The following NELL1 variants were observed in gnomAD, a reference collection of about 807,000 sequenced individuals.
NELL1 encodes neural EGFL like 1.
Under a neutral mutation model 107.4 loss-of-function variants are expected in NELL1, and 76 were observed. The ratio of observed to expected loss-of-function variants is 0.71; its 90% CI spans 0.59 to 0.86. The LOEUF (loss-of-function observed/expected upper bound fraction) is 0.86, where lower values mean the gene tolerates loss of function less well. Ranked by LOEUF, NELL1 falls within the 40% of genes least tolerant of loss-of-function variation. NELL1 has a pLI of 0.00. For synonymous variants in NELL1, 353 were observed against 341.2 expected (o/e 1.03, Z -0.38); for missense variants, 1,024 against 1,005.5 (o/e 1.02, Z -0.25).
chr11:21,362,930 G>A (rs1590869975), intron 14 of NELL1, among the ~76,000 whole-genome samples: 1 of 152,156 alleles, frequency 6.6e-6, no homozygotes. Flanking sequence ...GGCCACCTCT[G>A]CTGTGTTATA....
rs536416552 is a variant in NELL1, at chr11:21,307,663, G to A, written c.1550-63190G>A. On this transcript the variant is annotated intron_variant, in intron 14 of 19. Transcript: ENST00000357134. ...AACCAGATCCTTAAAAATGGACCCA[G>A]GACACAAACTGGTTCCATGGTCTTT... is the stretch of plus-strand genomic sequence containing the variant. 2.0e-5 allele frequency among the ~76,000 whole-genome samples: 3 copies of A among 152,038 alleles called. No homozygotes were observed. The East Asian group carries it at 5.8e-4, about 30-fold the overall frequency.
At position 20,904,683 on chromosome 11, in the gene NELL1, T is replaced by A. The variant is rs142489784; in HGVS notation, c.604-13499T>A. 3.1e-3 allele frequency among the ~76,000 whole-genome samples: 466 copies of A among 152,212 alleles called. 2 individuals carry two copies. The highest frequency in any genetic ancestry group is 3.7e-3 in the Non-Finnish European group (251 of 67,990). On this transcript the variant is annotated intron_variant, in intron 5 of 19. Transcript: ENST00000357134. ...ATCTTTGGCTGATCCCTAGGATCAGTGTAAGCCTGGCTAAGTGTTGAAGGA... is the reference window on the plus strand; with the variant it reads ...ATCTTTGGCTGATCCCTAGGATCAGAGTAAGCCTGGCTAAGTGTTGAAGGA...
intron 12 of NELL1, among the ~76,000 whole-genome samples, chr11:20,992,555 T>C (rs1851998785): frequency 6.6e-6 from 1 of 152,140 alleles, no homozygotes; most frequent in Non-Finnish European, 1.5e-5. Flanking sequence ...TCTGTAGCCT[T>C]GGGAGAGTCT....
In NELL1 at chr11:21,533,282, A is replaced by G. The variant is rs1042696850; in HGVS notation, c.1646-1092A>G. Among the ~76,000 whole-genome samples the G allele has an allele frequency of 5.9e-5, 9 of 152,296 alleles. 1 individual carries two copies. The highest frequency in any genetic ancestry group is 1.9e-4 in the African/African-American group (8 of 41,564). ...GGGACTTGTCAAGATAATAGAACCAATGGTAGCTGATTGCCCCTGAACTGA... is the reference window on the plus strand; with the variant it reads ...GGGACTTGTCAAGATAATAGAACCAGTGGTAGCTGATTGCCCCTGAACTGA... On this transcript the variant is annotated intron_variant, in intron 15 of 19. Coordinates refer to ENST00000357134, the MANE Select transcript of NELL1 (RefSeq NM_006157.5).
intron 15 of NELL1, among the ~76,000 whole-genome samples, chr11:21,483,474 A>C (rs1261548654): frequency 6.6e-6 from 1 of 152,108 alleles, no homozygotes; most frequent in Non-Finnish European, 1.5e-5. Context: ...AGATCTCCCA[A>C]ATCCAATGAT....
chr11:20,941,117 C>A (rs997523322), intron 10 of NELL1, among the ~76,000 whole-genome samples: 1 of 151,844 alleles, frequency 6.6e-6, no homozygotes, highest in Non-Finnish European at 1.5e-5. Context: ...ACAGCCTGGG[C>A]GACAGAGTGA....
At chr11:20,925,089 T>G (rs1850464699) in intron 7 of NELL1, among the ~76,000 whole-genome samples, 1 of 152,182 alleles carries the variant, frequency 6.6e-6, no homozygotes. Flanking sequence ...AACTATACTA[T>G]TTTATATAAA....
At chr11:21,513,789 T>C (rs1293423090) in intron 15 of NELL1, among the ~76,000 whole-genome samples, 1 of 152,126 alleles carries the variant, frequency 6.6e-6, no homozygotes, top group Non-Finnish European at 1.5e-5. Context: ...AAACTGAGAC[T>C]GAAATATAAA....
intron 3 of NELL1, among the ~76,000 whole-genome samples, chr11:20,814,003 AT>A (rs1241678705): frequency 6.6e-6 from 1 of 150,762 alleles, no homozygotes; most frequent in African/African-American, 2.5e-5. Flanking sequence ...TTATTTATTT[AT>A]TTTTTTGTAG....
chr11:20,853,354 G>C (rs1289608201), intron 4 of NELL1, among the ~76,000 whole-genome samples: 1 of 152,172 alleles, frequency 6.6e-6, no homozygotes. Flanking sequence ...CCCTAGTCTT[G>C]GTTTTGCCAT....
At chr11:20,773,090 G>C (rs1856671295) in intron 2 of NELL1, among the ~76,000 whole-genome samples, 1 of 152,162 alleles carries the variant, frequency 6.6e-6, no homozygotes, top group Non-Finnish European at 1.5e-5. Flanking sequence ...AGTTAGAACT[G>C]ACCACTAACC....
chr11:20,781,274 G>A (rs1856844909), intron 2 of NELL1, among the ~76,000 whole-genome samples: 1 of 152,216 alleles, frequency 6.6e-6, no homozygotes, highest in African/African-American at 2.4e-5. Context: ...GGAACAGGGT[G>A]TGACCGTTTA....
At chr11:21,356,133 A>T (rs1215762694) in intron 14 of NELL1, among the ~76,000 whole-genome samples, 2 of 152,050 alleles carry the variant, frequency 1.3e-5, no homozygotes, top group Admixed American at 1.3e-4. Flanking sequence ...CTAATATCCT[A>T]TGTCTCACAT....
At chr11:21,048,845 A>T (rs558006644) in intron 12 of NELL1, among the ~76,000 whole-genome samples, 30 of 151,848 alleles carry the variant, frequency 2.0e-4, no homozygotes, top group Non-Finnish European at 4.0e-4. Context: ...GCTGCCCTTT[A>T]TTGTTCCAGC....
intron 12 of NELL1, among the ~76,000 whole-genome samples, chr11:21,105,267 C>CAG (rs376948810): frequency 6.6e-6 from 1 of 151,624 alleles, no homozygotes; most frequent in African/African-American, 2.4e-5. Context: ...CTCTCTCCTG[C>CAG]AGAGAGAGAG....
chr11:20,794,526 G>A (rs1222437207), intron 3 of NELL1, among the ~76,000 whole-genome samples: 5 of 152,198 alleles, frequency 3.3e-5, no homozygotes, highest in Non-Finnish European at 5.9e-5. Context: ...CACATGGGAG[G>A]CTGTGCAGGA....
intron 13 of NELL1, among the ~76,000 whole-genome samples, chr11:21,224,827 T>G (rs768838281): frequency 6.6e-6 from 1 of 152,240 alleles, no homozygotes; most frequent in Non-Finnish European, 1.5e-5. Flanking sequence ...GCAATATCTA[T>G]CTCTTTGTTG....
At chr11:20,689,390 T>A (rs1406230900) in intron 2 of NELL1, among the ~76,000 whole-genome samples, 1 of 150,660 alleles carries the variant, frequency 6.6e-6, no homozygotes, top group Non-Finnish European at 1.5e-5. Context: ...ACCCATTAAC[T>A]CATCATTTAG....
chr11:21,147,230 A>T (rs1791811), intron 13 of NELL1, among the ~76,000 whole-genome samples: 4 of 151,910 alleles, frequency 2.6e-5, no homozygotes, highest in African/African-American at 4.8e-5. Flanking sequence ...TGGGGAAATG[A>T]GGAGCTGAAC....
Sources: allele counts gnomAD v4.1 joint callset (sites outside exome capture counted in the v4.1 genomes callset), GRCh38; gene constraint gnomAD v4.1.1; transcripts MANE v1.5; gene names NCBI Gene and HGNC (gene_info 2026-07-23, HGNC 2026-07-21).